Variants in SSTR2 observed in about 807,000 individuals in gnomAD.
The protein encoded by SSTR2 is somatostatin receptor 2.
SSTR2 carries 10 observed loss-of-function variants against 21.4 expected under a neutral mutation model. The ratio of observed to expected loss-of-function variants is 0.47; its 90% confidence interval spans 0.29 to 0.79. The LOEUF is 0.79. Ranked by LOEUF, SSTR2 falls within the 30% of genes least tolerant of loss-of-function variation. The probability of loss-of-function intolerance (pLI) is 0.10; values close to 1 mark genes in which losing one functional copy is unlikely to be tolerated. For missense variants in SSTR2, 364 were observed against 468.8 expected, an observed-to-expected ratio of 0.78 and a Z score of 2.06; for synonymous variants, 177 against 181.3, an observed-to-expected ratio of 0.98 and a Z score of 0.19.
chr17:73,173,204 CA>C lies in SSTR2; in HGVS notation c.*2787del, dbSNP rs34612576. ...GGGCAACAAGAGCGAAACTTCATCT[CA>C]AAAAAAAAAAACAAAGACTAATTCT... On this transcript the variant is annotated 3_prime_UTR_variant, in exon 2 of 2. Transcript: ENST00000357585. 55 of 139,520 alleles carry C rather than the reference CA, an allele frequency of 3.9e-4. No homozygotes were observed. Among genetic ancestry groups the C allele is most frequent in the East Asian group, 4.1e-4 (2 of 4,840 alleles). The allele number at this position is 139,520 out of a possible 1,614,324, so 8.6% of individuals were successfully genotyped here. A position where few individuals can be genotyped will look rare whatever the true frequency, so the allele number is the denominator to read the frequency against.
chr17:73,172,198 C>A lies in SSTR2; in HGVS notation c.*1769C>A, dbSNP rs1052747076. 4 of 152,126 alleles carry A rather than the reference C, an allele frequency of 2.6e-5. No individual in the cohort carries two copies. Among genetic ancestry groups the A allele is most frequent in the African/African-American group, 7.2e-5 (3 of 41,412 alleles). The allele number at this position is 152,126 out of a possible 1,614,324, so 9.4% of individuals were successfully genotyped here. Reference sequence around the variant, plus strand: ...GACTATTGTAGACAGGCACTTCACACCATAAAGTGGCATTTTTTTCGTTCC... The same window carrying A: ...GACTATTGTAGACAGGCACTTCACAACATAAAGTGGCATTTTTTTCGTTCC... On this transcript the variant is annotated 3_prime_UTR_variant, in exon 2 of 2. Transcript: ENST00000357585.
At position 73,169,786 on chromosome 17, in the gene SSTR2, C is replaced by A; in HGVS notation, c.467C>A (p.Pro156His). The A allele has an allele frequency of 6.2e-7, 1 of 1,614,142 alleles. No individual in the cohort carries two copies. The highest frequency in any genetic ancestry group is 8.5e-7 in the Non-Finnish European group (1 of 1,180,030). ...ATCAAGTCGGCCAAGTGGAGGAGAC[C>A]CCGGACGGCCAAGATGATCACCATG... ...HPIKSAKWRR[P>H]RTAKMITMAV... Residue 156 changes from proline to histidine, a missense_variant, in exon 2 of 2, where the codon CCC (proline) becomes CAC (histidine). By Grantham distance (77) the Pro-to-His change is moderately conservative (BLOSUM62 -2). Around this residue, in one of 4 missense-constraint regions of SSTR2, gnomAD observed 193 missense variants for 273.1 expected, o/e 0.71. Transcript: ENST00000357585. This position sits in a 1 kb window ranked among gnomAD's most constrained non-coding sequence, Gnocchi z 5.2.
Position 73,169,538 on chromosome 17 carries a change from G to C in SSTR2, c.219G>C (p.Lys73Asn), listed in dbSNP as rs1482527969. The C allele has an allele frequency of 6.2e-7, 1 of 1,614,292 alleles. No individual in the cohort carries two copies. The highest frequency in any genetic ancestry group is 1.7e-5 in the Admixed American group (1 of 60,038). ...TTTATGTCATCCTCCGCTATGCCAA[G>C]ATGAAGACCATCACCAACATTTACA... is the stretch of plus-strand genomic sequence containing the variant. ...LVIYVILRYA[K>N]MKTITNIYIL... is the part of the protein sequence containing the mutation. The change falls in exon 2 of 2, where the codon AAG becomes AAC. Residue 73 changes from lysine (K) to asparagine (N), a missense_variant. Coordinates refer to ENST00000357585, the MANE Select transcript of SSTR2 (RefSeq NM_001050.3). This position sits in a 1 kb window ranked among gnomAD's most constrained non-coding sequence, Gnocchi z 5.2.
Position 73,170,355 on chromosome 17 carries a change from G to A in SSTR2, c.1036G>A (p.Asp346Asn), listed in dbSNP as rs968860218. Residue 346 changes from aspartate (D) to asparagine (N), a missense_variant, in exon 2 of 2, where the codon GAC becomes AAC. Around this residue, in one of 4 missense-constraint regions of SSTR2, gnomAD observed 71 missense variants for 53.8 expected, o/e 1.32. Transcript: ENST00000357585. ...DDGERSDSKQDKSRLNETTET... is the reference protein window; with the variant it reads ...DDGERSDSKQNKSRLNETTET... ...TGGGGAGCGGAGTGACAGTAAGCAG[G>A]ACAAATCCCGGCTGAATGAGACCAC... is the stretch of plus-strand genomic sequence containing the variant. 3 of 1,613,940 alleles carry A rather than the reference G, an allele frequency of 1.9e-6. No homozygotes were observed. The highest frequency in any genetic ancestry group is 2.5e-6 in the Non-Finnish European group (3 of 1,179,998).
At chr17:73,165,804 C>A (rs1391155242) in intron 1 of SSTR2, among the ~76,000 whole-genome samples, 1 of 151,004 alleles carries the variant, frequency 6.6e-6, no homozygotes, top group Non-Finnish European at 1.5e-5. Flanking sequence ...GGATCCGTCC[C>A]CGTCCCCCAC....
chr17:73,170,121 T>C lies in SSTR2; in HGVS notation c.802T>C (p.Cys268Arg). 6.2e-7 allele frequency: 1 copy of C among 1,614,224 alleles called. No individual in the cohort carries two copies. The highest frequency in any genetic ancestry group is 8.5e-7 in the Non-Finnish European group (1 of 1,180,038). ...CATCGTGGTGGCTGTCTTCATCTTCTGCTGGCTTCCCTTCTACATATTCAA... is the reference window on the plus strand; with the variant it reads ...CATCGTGGTGGCTGTCTTCATCTTCCGCTGGCTTCCCTTCTACATATTCAA... The part of the protein sequence containing the change: ...VSIVVAVFIF[C>R]WLPFYIFNVS... Residue 268 changes from cysteine to arginine, a missense_variant, in exon 2 of 2, where the codon TGC (cysteine) becomes CGC (arginine). Transcript: ENST00000357585.
chr17:73,169,806 A>T lies in SSTR2; in HGVS notation c.487A>T (p.Thr163Ser). The T allele has an allele frequency of 6.2e-7, 1 of 1,614,198 alleles. No homozygotes were observed. The highest frequency in any genetic ancestry group is 8.5e-7 in the Non-Finnish European group (1 of 1,180,036). Residue 163 changes from threonine (T) to serine (S), a missense_variant, in exon 2 of 2, where the codon ACC (threonine) becomes TCC (serine). Coordinates refer to ENST00000357585, the MANE Select transcript of SSTR2 (RefSeq NM_001050.3). This position sits in a 1 kb window ranked among gnomAD's most constrained non-coding sequence, Gnocchi z 5.2. ...WRRPRTAKMI[T>S]MAVWGVSLLV... ...GAGACCCCGGACGGCCAAGATGATCACCATGGCTGTGTGGGGAGTCTCTCT... is the reference window on the plus strand; with the variant it reads ...GAGACCCCGGACGGCCAAGATGATCTCCATGGCTGTGTGGGGAGTCTCTCT...
Position 73,171,188 on chromosome 17 carries a change from T to C in SSTR2, c.*759T>C, listed in dbSNP as rs1053419896. 1 of 170,074 alleles carries C rather than the reference T, an allele frequency of 5.9e-6. No individual in the cohort carries two copies. The highest frequency in any genetic ancestry group is 2.4e-5 in the African/African-American group (1 of 41,494). 10.5% of individuals were successfully genotyped at this position (170,074 alleles called of 1,614,324 possible). A position where few individuals can be genotyped will look rare whatever the true frequency, so the allele number is the denominator to read the frequency against. On this transcript the variant is annotated 3_prime_UTR_variant, in exon 2 of 2. Coordinates refer to ENST00000357585, the MANE Select transcript of SSTR2 (RefSeq NM_001050.3). ...TGTAAGAAGGGAAAGGGAGAAGATA[T>C]TTGAAGAACCAGAATGTAAATTCAT... is the stretch of plus-strand genomic sequence containing the variant.
At position 73,173,706 on chromosome 17, in the gene SSTR2, G is replaced by A. The variant is rs1046853834; in HGVS notation, c.*3277G>A. Reference sequence around the variant, plus strand: ...ACCCGCCATTAGCATGGGTAGTTAAGTGCTGATTAAACCTAAGTGGACTCA... The same window carrying A: ...ACCCGCCATTAGCATGGGTAGTTAAATGCTGATTAAACCTAAGTGGACTCA... On this transcript the variant is annotated 3_prime_UTR_variant, in exon 2 of 2. Transcript: ENST00000357585. 10 of 152,226 alleles carry A rather than the reference G, an allele frequency of 6.6e-5. No homozygotes were observed. Among genetic ancestry groups the A allele is most frequent in the African/African-American group, 2.4e-4 (10 of 41,454 alleles). The allele number at this position is 152,226 out of a possible 1,614,324, so 9.4% of individuals were successfully genotyped here. A position where few individuals can be genotyped will look rare whatever the true frequency, so the allele number is the denominator to read the frequency against.
In SSTR2 at chr17:73,176,575, G is replaced by A. The variant is rs556023806; in HGVS notation, c.*6146G>A. The A allele has an allele frequency of 1.3e-5, 2 of 152,360 alleles. No individual in the cohort carries two copies. Among genetic ancestry groups the A allele is most frequent in the South Asian group, 4.1e-4 (2 of 4,822 alleles). The allele number at this position is 152,360 out of a possible 1,614,324, so 9.4% of individuals were successfully genotyped here. On this transcript the variant is annotated 3_prime_UTR_variant, in exon 2 of 2. Coordinates refer to ENST00000357585, the MANE Select transcript of SSTR2 (RefSeq NM_001050.3). The stretch of plus-strand genomic sequence containing the variant: ...CTTCTGCCATGATTGTAAGTTTCCT[G>A]AGGCCTCCCCAGCCATGTTAAACTT...
Position 73,170,924 on chromosome 17 carries a change from C to A in SSTR2, c.*495C>A. The A allele has an allele frequency of 2.7e-6, 1 of 368,578 alleles. No homozygotes were observed. Among genetic ancestry groups the A allele is most frequent in the South Asian group, 2.2e-5 (1 of 44,542 alleles). The allele number at this position is 368,578 out of a possible 1,614,324, so 22.8% of individuals were successfully genotyped here. A position where few individuals can be genotyped will look rare whatever the true frequency, so the allele number is the denominator to read the frequency against. On this transcript the variant is annotated 3_prime_UTR_variant, in exon 2 of 2. Transcript: ENST00000357585. ...CACACTGCCCGCAGAAATGGACTTA[C>A]CGTGAAGCCAATAAAGTTCAAGCTT... is the stretch of plus-strand genomic sequence containing the variant.
At chr17:73,165,907 ACTGTCTTCTGCGCCCCGATGTCT>A (rs1379077668) in intron 1 of SSTR2, among the ~76,000 whole-genome samples, 7 of 148,824 alleles carry the variant, frequency 4.7e-5, no homozygotes, top group Non-Finnish European at 1.0e-4. Flanking sequence ...CCCCCAAGCG[ACTGTCTTCTGCGCCCCGATGTCT>A]CTGTCCTCAG....
In SSTR2 at chr17:73,170,211, G is replaced by A. The variant is rs2061229688; in HGVS notation, c.892G>A (p.Val298Met). ...CCTTAAAGGCATGTTTGACTTTGTGGTGGTCCTCACCTATGCTAACAGCTG... is the reference window on the plus strand; with the variant it reads ...CCTTAAAGGCATGTTTGACTTTGTGATGGTCCTCACCTATGCTAACAGCTG... The part of the protein sequence containing the change: ...PALKGMFDFV[V>M]VLTYANSCAN... Residue 298 changes from valine to methionine, a missense_variant, in exon 2 of 2, where the codon GTG becomes ATG. Val to Met is a conservative substitution (Grantham distance 21, BLOSUM62 1). Transcript: ENST00000357585. 1.2e-6 allele frequency: 2 copies of A among 1,613,958 alleles called. No homozygotes were observed. Among genetic ancestry groups the A allele is most frequent in the Non-Finnish European group, 1.7e-6 (2 of 1,180,046 alleles).
Position 73,170,053 on chromosome 17 carries a change from C to T in SSTR2, c.734C>T (p.Ser245Phe). 6.2e-7 allele frequency: 1 copy of T among 1,614,158 alleles called. No homozygotes were observed. The highest frequency in any genetic ancestry group is 8.5e-7 in the Non-Finnish European group (1 of 1,180,024). ...VKSSGIRVGS[S>F]KRKKSEKKVT... ...TCCTCTGGAATCCGAGTGGGCTCCT[C>T]TAAGAGGAAGAAGTCTGAGAAGAAG... The change falls in exon 2 of 2, where the codon TCT becomes TTT. Residue 245 changes from serine (S) to phenylalanine (F), a missense_variant. Coordinates refer to ENST00000357585, the MANE Select transcript of SSTR2 (RefSeq NM_001050.3).
Position 73,169,350 on chromosome 17 carries a change from A to G in SSTR2, c.31A>G (p.Ser11Gly), listed in dbSNP as rs935968124. The G allele has an allele frequency of 6.2e-7, 1 of 1,613,604 alleles. No homozygotes were observed. Among genetic ancestry groups the G allele is most frequent in the Non-Finnish European group, 8.5e-7 (1 of 1,179,842 alleles). The change falls in exon 2 of 2, where the codon AGC (serine) becomes GGC (glycine). Residue 11 changes from serine to glycine, a missense_variant. Ser to Gly is a moderately conservative substitution (Grantham distance 56, BLOSUM62 0). Coordinates refer to ENST00000357585, the MANE Select transcript of SSTR2 (RefSeq NM_001050.3). This position sits in a 1 kb window ranked among gnomAD's most constrained non-coding sequence, Gnocchi z 5.2. The part of the protein sequence containing the change: MDMADEPLNG[S>G]HTWLSIPFDL... ...CATGGCGGATGAGCCACTCAATGGA[A>G]GCCACACATGGCTATCCATTCCATT...
rs1168530044 is a variant in SSTR2, at chr17:73,169,164, G to T, written c.-92-64G>T. 1.2e-5 allele frequency: 10 copies of T among 837,340 alleles called. No individual in the cohort carries two copies. Among genetic ancestry groups the T allele is most frequent in the Non-Finnish European group, 1.8e-5 (10 of 555,102 alleles). 51.9% of individuals were successfully genotyped at this position (837,340 alleles called of 1,614,324 possible). ...GTCTGAGAGGCTAAACCAGAAATGT[G>T]TAAATTTGGTGAGACTTTAAACAGC... is the stretch of plus-strand genomic sequence containing the variant. On this transcript the variant is annotated intron_variant, in intron 1 of 1. Coordinates refer to ENST00000357585, the MANE Select transcript of SSTR2 (RefSeq NM_001050.3). The surrounding 1 kb of genome is among the most constrained non-coding windows in gnomAD (Gnocchi z 5.2).
In SSTR2 at chr17:73,169,314, G is replaced by T; in HGVS notation, c.-6G>T. On this transcript the variant is annotated 5_prime_UTR_variant, in exon 2 of 2. Transcript: ENST00000357585. The surrounding 1 kb of genome is among the most constrained non-coding windows in gnomAD (Gnocchi z 5.2). The stretch of plus-strand genomic sequence containing the variant: ...GCTGGAACTAGCCTAAGACTGAAAA[G>T]CAGCCATGGACATGGCGGATGAGCC... The T allele has an allele frequency of 1.2e-6, 2 of 1,609,112 alleles. No individual in the cohort carries two copies. Among genetic ancestry groups the T allele is most frequent in the Admixed American group, 1.7e-5 (1 of 59,726 alleles).
Position 73,170,849 on chromosome 17 carries a change from C to T in SSTR2, c.*420C>T, listed in dbSNP as rs1199061457. The T allele has an allele frequency of 7.3e-6, 3 of 408,658 alleles. No individual in the cohort carries two copies. The highest frequency in any genetic ancestry group is 6.0e-5 in the Admixed American group (2 of 33,136). The allele number at this position is 408,658 out of a possible 1,614,324, so 25.3% of individuals were successfully genotyped here. A position where few individuals can be genotyped will look rare whatever the true frequency, so the allele number is the denominator to read the frequency against. ...TTACCTACGTTCCTGTGTTTACATACACAAGTAGCAAATTCGAGTATGCAT... is the reference window on the plus strand; with the variant it reads ...TTACCTACGTTCCTGTGTTTACATATACAAGTAGCAAATTCGAGTATGCAT... On this transcript the variant is annotated 3_prime_UTR_variant, in exon 2 of 2. Transcript: ENST00000357585.
rs2061238018 is a variant in SSTR2, at chr17:73,172,247, A to G, written c.*1818A>G. ...CCCCAAACTGACATTTACAAGCGAT[A>G]AGAAAAGAGACAATATCCATTTCAT... On this transcript the variant is annotated 3_prime_UTR_variant, in exon 2 of 2. Transcript: ENST00000357585. 6.6e-6 allele frequency: 1 copy of G among 152,186 alleles called. No homozygotes were observed. The highest frequency in any genetic ancestry group is 1.5e-5 in the Non-Finnish European group (1 of 68,026). 9.4% of individuals were successfully genotyped at this position (152,186 alleles called of 1,614,324 possible).
Sources: allele counts gnomAD v4.1 joint callset (sites outside exome capture counted in the v4.1 genomes callset), GRCh38; gene constraint gnomAD v4.1.1; regional missense constraint gnomAD v4.1.1; non-coding constraint Gnocchi (gnomAD v3.1); transcripts MANE v1.5; gene names NCBI Gene and HGNC (gene_info 2026-07-23, HGNC 2026-07-21).